F5: variants seen among roughly 807,000 people sequenced by gnomAD.
F5 encodes coagulation factor V.
In F5, 138 loss-of-function variants were observed where a neutral mutation model predicts 216.4. That is an observed-to-expected ratio of 0.64 (90% CI 0.56 to 0.73). F5 has a LOEUF of 0.73. F5 is among the 30% of genes least tolerant of loss of function. The pLI, the probability that F5 is intolerant of heterozygous loss-of-function variation, is 0.00. For missense variants in F5, 2,403 were observed against 2,674.0 expected (o/e 0.90, Z 2.24); for synonymous variants, 916 against 930.7 (o/e 0.98, Z 0.29).
At chr1:169,526,523 G>C (rs896373175) in intron 17 of F5, among the ~76,000 whole-genome samples, 1 of 152,096 alleles carries the variant, frequency 6.6e-6, no homozygotes, top group African/African-American at 2.4e-5. Flanking sequence ...GAAAGAATGA[G>C]ATTTCTAAAA....
At chr1:169,557,186 T>A (rs1218426926) in intron 5 of F5, among the ~76,000 whole-genome samples, 1 of 152,202 alleles carries the variant, frequency 6.6e-6, no homozygotes, top group Non-Finnish European at 1.5e-5. Flanking sequence ...GGTAACCGAC[T>A]GTTCTGGTCT....
At chr1:169,576,800 A>T (rs1053518278) in intron 2 of F5, among the ~76,000 whole-genome samples, 39 of 152,094 alleles carry the variant, frequency 2.6e-4, no homozygotes, top group Non-Finnish European at 1.9e-4. Flanking sequence ...TGCCGCATTT[A>T]GTTGCCATGG....
intron 12 of F5, among the ~76,000 whole-genome samples, chr1:169,543,540 C>T (rs920870882): frequency 1.3e-5 from 2 of 152,146 alleles, no homozygotes; most frequent in African/African-American, 4.8e-5. Context: ...AATATCCTAA[C>T]AGCACATCTT....
chr1:169,537,013 T>C (rs1233052901), intron 13 of F5, among the ~76,000 whole-genome samples: 1 of 152,026 alleles, frequency 6.6e-6, no homozygotes, highest in Non-Finnish European at 1.5e-5. Flanking sequence ...ATATATATTG[T>C]AGATTATATA....
chr1:169,548,454 G>A (rs1407127065), intron 10 of F5, among the ~76,000 whole-genome samples: 1 of 152,128 alleles, frequency 6.6e-6, no homozygotes, highest in African/African-American at 2.4e-5. Context: ...ATAGTTCTTG[G>A]AACTACTGAA....
intron 3 of F5, among the ~76,000 whole-genome samples, chr1:169,570,915 G>A (rs1660708010): frequency 6.6e-6 from 1 of 152,018 alleles, no homozygotes; most frequent in Non-Finnish European, 1.5e-5. Flanking sequence ...GGCACACAGA[G>A]GTTAAATAAC....
chr1:169,529,635 C>G lies in F5; in HGVS notation c.5392G>C (p.Glu1798Gln). 2 of 1,613,710 alleles carry G rather than the reference C, an allele frequency of 1.2e-6. No individual in the cohort carries two copies. The highest frequency in any genetic ancestry group is 1.7e-6 in the Non-Finnish European group (2 of 1,179,764). Residue 1798 changes from glutamate to glutamine, a missense_variant, in exon 16 of 25, where the codon GAA (glutamate) becomes CAA (glutamine). Glu to Gln is a conservative substitution (Grantham distance 29). Around this residue, in one of 4 missense-constraint regions of F5, gnomAD observed 659 missense variants for 787.9 expected, o/e 0.84. Transcript: ENST00000367797. ...SRSSWRLTSS[E>Q]MKKSHEFHAI... ...TGAAACTCATGGGATTTTTTCATTT[C>G]TGAGGATGTGAGTCTCCAAGAACTT... is the stretch of plus-strand genomic sequence containing the variant.
At chr1:169,525,678 A>G (rs182501564) in intron 18 of F5, among the ~76,000 whole-genome samples, 1 of 152,340 alleles carries the variant, frequency 6.6e-6, no homozygotes, top group Admixed American at 6.5e-5. Context: ...ATGAAGAAGG[A>G]TGCTTTACAC....
Position 169,540,780 on chromosome 1 carries a change from G to A in F5, c.4310C>T (p.Thr1437Ile), listed in dbSNP as rs1247232186. 1 of 1,614,052 alleles carries A rather than the reference G, an allele frequency of 6.2e-7. No homozygotes were observed. ...MSLSPDLSQV[T>I]LSPDISDTTL... ...GGTGTCACTGATGTCTGGAGAGAGA[G>A]TCACCTGGCTGAGGTCTGGGGAAAG... The change falls in exon 13 of 25, where the codon ACT becomes ATT. Residue 1437 changes from threonine to isoleucine, a missense_variant. Coordinates refer to ENST00000367797, the MANE Select transcript of F5 (RefSeq NM_000130.5).
At chr1:169,516,253 A>G (rs1309254057) in intron 23 of F5, among the ~76,000 whole-genome samples, 1 of 152,180 alleles carries the variant, frequency 6.6e-6, no homozygotes, top group African/African-American at 2.4e-5. Context: ...TACACAGTAC[A>G]GTTATTGTCC....
chr1:169,532,648 T>C (rs969703934), intron 14 of F5, among the ~76,000 whole-genome samples: 1 of 149,834 alleles, frequency 6.7e-6, no homozygotes, highest in Non-Finnish European at 1.5e-5. Flanking sequence ...ACATACAAAA[T>C]ACCTAGGAAA....
At chr1:169,529,487 G>A (rs1016354450) in intron 16 of F5, 121 bp downstream of exon 16, 3 of 913,420 alleles carry the variant, frequency 3.3e-6, no homozygotes, top group East Asian at 2.6e-5. Context: ...ACCGGTTTTA[G>A]TTGTAGCTCT....
intron 2 of F5, among the ~76,000 whole-genome samples, chr1:169,578,761 T>A (rs1660921053): frequency 6.6e-6 from 1 of 152,188 alleles, no homozygotes; most frequent in African/African-American, 2.4e-5. Flanking sequence ...TTCCTACTCA[T>A]AACTACAAAC....
rs763591592 is a variant in F5 at position 169,529,757 on chromosome 1, T to C, written c.5270A>G (p.His1757Arg). 8.7e-6 allele frequency: 14 copies of C among 1,613,820 alleles called. No individual in the cohort carries two copies. The highest frequency in any genetic ancestry group is 1.0e-5 in the Non-Finnish European group (12 of 1,179,794). ...PLLICQKGILHKDSNMPMDMR... is the reference protein window; with the variant it reads ...PLLICQKGILRKDSNMPMDMR... The stretch of plus-strand genomic sequence containing the variant: ...GTCCATAGGCATGTTGCTGTCCTTA[T>C]GTAGTATTCCTTTTTGGCAGATTAG... The change falls in exon 16 of 25, where the codon CAT becomes CGT. Residue 1757 changes from histidine (H) to arginine (R), a missense_variant. Around this residue, in one of 4 missense-constraint regions of F5, gnomAD observed 659 missense variants for 787.9 expected, o/e 0.84. Transcript: ENST00000367797.
At chr1:169,521,206 C>T (rs1288240519) in intron 21 of F5, among the ~76,000 whole-genome samples, 1 of 152,198 alleles carries the variant, frequency 6.6e-6, no homozygotes, top group Non-Finnish European at 1.5e-5. Context: ...CAACCCACAA[C>T]AGCAAAGGCT....
At position 169,572,346 on chromosome 1, in the gene F5, G is replaced by A. The variant is rs759262208; in HGVS notation, c.251-3C>T. On this transcript the variant is annotated splice_region_variant and splice_polypyrimidine_tract_variant and intron_variant, in intron 2 of 24. Coordinates refer to ENST00000367797, the MANE Select transcript of F5 (RefSeq NM_000130.5). Reference sequence around the variant, plus strand: ...ATATAAAGTAGGCCCAAGAAGTCCTGTGAAAACAAATATTTAAACTATGTC... The same window carrying A: ...ATATAAAGTAGGCCCAAGAAGTCCTATGAAAACAAATATTTAAACTATGTC... The A allele has an allele frequency of 3.7e-6, 6 of 1,612,950 alleles. No homozygotes were observed. Among genetic ancestry groups the A allele is most frequent in the African/African-American group, 1.3e-5 (1 of 74,976 alleles).
chr1:169,574,912 T>C lies in F5; in HGVS notation c.251-2569A>G, dbSNP rs190237183. On this transcript the variant is annotated intron_variant, in intron 2 of 24. Transcript: ENST00000367797. ...TAGGCATCAGAATTGCAATGGTGCG[T>C]AAAAGAGTAAAATAGATACACCCAC... Among the ~76,000 whole-genome samples, 9 of 152,258 alleles carry C rather than the reference T, an allele frequency of 5.9e-5. No individual in the cohort carries two copies. The East Asian group carries it at 1.7e-3, about 29-fold the overall frequency.
chr1:169,534,224 C>T lies in F5; in HGVS notation c.4971+2282G>A, dbSNP rs181748016. Among the ~76,000 whole-genome samples, 988 of 152,166 alleles carry T rather than the reference C, an allele frequency of 6.5e-3. 4 individuals are homozygous for T. The highest frequency in any genetic ancestry group is 0.011 in the Admixed American group (167 of 15,272). The stretch of plus-strand genomic sequence containing the variant: ...ACAGGAATTGCTCACTCGGGGAGCT[C>T]GGTTGTTGGAGACATGAGTCTTGCC... On this transcript the variant is annotated intron_variant, in intron 14 of 24. Transcript: ENST00000367797.
intron 2 of F5, among the ~76,000 whole-genome samples, chr1:169,575,674 T>A (rs1045138376): frequency 6.6e-6 from 1 of 151,990 alleles, no homozygotes; most frequent in African/African-American, 2.4e-5. Flanking sequence ...GGGTAGAGAA[T>A]AAAGGACATC....
Sources: allele counts gnomAD v4.1 joint callset (sites outside exome capture counted in the v4.1 genomes callset), GRCh38; gene constraint gnomAD v4.1.1; regional missense constraint gnomAD v4.1.1; transcripts MANE v1.5; gene names NCBI Gene and HGNC (gene_info 2026-07-23, HGNC 2026-07-21).